ZDHHC21: variants seen among roughly 807,000 people sequenced by gnomAD.
ZDHHC21 encodes the protein zDHHC palmitoyltransferase 21, also known as palmitoyltransferase ZDHHC21.
A neutral mutation model predicts 34.6 loss-of-function variants in ZDHHC21; 15 were observed. The observed-to-expected ratio is 0.43, with a 90% CI of 0.29 to 0.67. The LOEUF is 0.67. Among genes scored for constraint, ZDHHC21 ranks in the 30% least tolerant of loss-of-function variants. The pLI is 0.14. For synonymous variants in ZDHHC21, 142 were observed against 101.8 expected (o/e 1.40, Z -2.38); for missense variants, 344 against 327.7 (o/e 1.05, Z -0.38).
intron 8 of ZDHHC21, among the ~76,000 whole-genome samples, chr9:14,626,019 G>A (rs1826145053): frequency 6.6e-6 from 1 of 151,948 alleles, no homozygotes; most frequent in Admixed American, 6.6e-5. Flanking sequence ...ATACAATAAT[G>A]TTTTGTAGAA....
the ZDHHC21 span, among the ~76,000 whole-genome samples, chr9:14,602,277 A>T: frequency 6.6e-6 from 1 of 152,094 alleles, no homozygotes; most frequent in Admixed American, 6.6e-5. Flanking sequence ...ACTTGAAGAC[A>T]GGTCATTTGA....
intron 8 of ZDHHC21, among the ~76,000 whole-genome samples, chr9:14,632,855 AGG>A (rs1827597711): frequency 6.6e-6 from 1 of 152,180 alleles, no homozygotes; most frequent in Non-Finnish European, 1.5e-5. Context: ...TTAGATCACC[AGG>A]GAAATGCAAA....
At chr9:14,688,435 T>C (rs1197326471) in intron 2 of ZDHHC21, among the ~76,000 whole-genome samples, 3 of 150,880 alleles carry the variant, frequency 2.0e-5, no homozygotes, top group East Asian at 3.9e-4. Flanking sequence ...TGAAACAGTT[T>C]AACAATACCC....
intron 8 of ZDHHC21, among the ~76,000 whole-genome samples, chr9:14,628,153 T>A (rs1366120536): frequency 6.6e-6 from 1 of 152,204 alleles, no homozygotes; most frequent in Non-Finnish European, 1.5e-5. Context: ...GATTAGTCTA[T>A]TTAACAGAAA....
chr9:14,692,373 A>G (rs1312511103), intron 1 of ZDHHC21, among the ~76,000 whole-genome samples: 1 of 152,208 alleles, frequency 6.6e-6, no homozygotes, highest in Non-Finnish European at 1.5e-5. Context: ...TTTAAATTGC[A>G]CTTAATTATC....
At chr9:14,692,126 G>C (rs554172832) in intron 1 of ZDHHC21, among the ~76,000 whole-genome samples, 3 of 152,214 alleles carry the variant, frequency 2.0e-5, no homozygotes, top group African/African-American at 4.8e-5. Context: ...TTAAGAGATG[G>C]CACAAACTAA....
intron 8 of ZDHHC21, among the ~76,000 whole-genome samples, chr9:14,627,081 T>C (rs1303155391): frequency 2.6e-5 from 4 of 152,118 alleles, no homozygotes; most frequent in Non-Finnish European, 4.4e-5. Context: ...AAGAGTGTAC[T>C]GAATGCTATT....
intron 8 of ZDHHC21, among the ~76,000 whole-genome samples, chr9:14,629,644 G>T: frequency 6.6e-6 from 1 of 152,114 alleles, no homozygotes; most frequent in Non-Finnish European, 1.5e-5. Flanking sequence ...AAATGCTAAT[G>T]ATCATTTGAA....
intron 5 of ZDHHC21, among the ~76,000 whole-genome samples, chr9:14,663,663 C>A (rs940791543): frequency 3.3e-5 from 5 of 151,912 alleles, no homozygotes; most frequent in African/African-American, 1.2e-4. Context: ...ACTCCCACTA[C>A]AGACATCTCT....
the ZDHHC21 span, chr9:14,588,953 T>C: frequency 2.0e-5 from 3 of 152,200 alleles, no homozygotes; most frequent in East Asian, 1.9e-4. Flanking sequence ...CCATGAGAAA[T>C]TGCTCTATAA....
chr9:14,669,257 C>A (rs1835029459), intron 5 of ZDHHC21, among the ~76,000 whole-genome samples: 1 of 145,084 alleles, frequency 6.9e-6, no homozygotes, highest in African/African-American at 2.5e-5. Context: ...AAAAAATGCT[C>A]ATCATCACTG....
At chr9:14,661,162 A>G (rs1833323501) in intron 6 of ZDHHC21, among the ~76,000 whole-genome samples, 1 of 152,188 alleles carries the variant, frequency 6.6e-6, no homozygotes, top group African/African-American at 2.4e-5. Context: ...TAGTAACAAA[A>G]TGCTTTTATC....
rs939565804 is a variant in ZDHHC21 at position 14,614,060 on chromosome 9, T to C, written c.*4906A>G. ...AACAACTCTTCCCATAAAAATGGTATAAATAAGAGATAAGGCTAAAATGAT... is the reference window on the plus strand; with the variant it reads ...AACAACTCTTCCCATAAAAATGGTACAAATAAGAGATAAGGCTAAAATGAT... On this transcript the variant is annotated 3_prime_UTR_variant, in exon 10 of 10. Transcript: ENST00000380916. 6.6e-6 allele frequency: 1 copy of C among 151,730 alleles called. No homozygotes were observed. Among genetic ancestry groups the C allele is most frequent in the Non-Finnish European group, 1.5e-5 (1 of 67,754 alleles). 9.4% of individuals were successfully genotyped at this position (151,730 alleles called of 1,614,324 possible). A position where few individuals can be genotyped will look rare whatever the true frequency, so the allele number is the denominator to read the frequency against.
At chr9:14,610,226 A>G (rs1823158042), downstream of ZDHHC21, among the ~76,000 whole-genome samples, 1 of 152,016 alleles carries the variant, frequency 6.6e-6, no homozygotes, top group Non-Finnish European at 1.5e-5. Context: ...TTATAAATGT[A>G]AAGGAGTCCT....
chr9:14,612,416 G>C lies in ZDHHC21; in HGVS notation c.*6550C>G, dbSNP rs931758622. The stretch of plus-strand genomic sequence containing the variant: ...CACTGAGTGTTTTGAGAATTTTAAA[G>C]GGAAAAATCTGGAACCCAAATAATA... On this transcript the variant is annotated 3_prime_UTR_variant, in exon 10 of 10. Transcript: ENST00000380916. 1 of 151,920 alleles carries C rather than the reference G, an allele frequency of 6.6e-6. No homozygotes were observed. The highest frequency in any genetic ancestry group is 1.9e-4 in the East Asian group (1 of 5,192). The allele number at this position is 151,920 out of a possible 1,614,324, so 9.4% of individuals were successfully genotyped here. A position where few individuals can be genotyped will look rare whatever the true frequency, so the allele number is the denominator to read the frequency against.
In ZDHHC21 at chr9:14,617,006, T is replaced by C. The variant is rs546441600; in HGVS notation, c.*1960A>G. The C allele has an allele frequency of 2.0e-5, 3 of 151,910 alleles. No homozygotes were observed. Among genetic ancestry groups the C allele is most frequent in the African/African-American group, 4.8e-5 (2 of 41,434 alleles). 9.4% of individuals were successfully genotyped at this position (151,910 alleles called of 1,614,324 possible). On this transcript the variant is annotated 3_prime_UTR_variant, in exon 10 of 10. Coordinates refer to ENST00000380916, the MANE Select transcript of ZDHHC21 (RefSeq NM_178566.6). ...AGTATAAATTAGCCACAAAGTTCTT[T>C]AGGTGATCTTCACTTGGCTCTGCTG...
intron 2 of ZDHHC21, among the ~76,000 whole-genome samples, chr9:14,681,654 T>G (rs147188869): frequency 3.3e-5 from 5 of 151,932 alleles, no homozygotes; most frequent in Non-Finnish European, 7.4e-5. Context: ...ACTAGGTAGG[T>G]TGACTGTTAA....
chr9:14,658,504 G>C (rs1177390910), intron 7 of ZDHHC21, among the ~76,000 whole-genome samples: 2 of 104,140 alleles, frequency 1.9e-5, no homozygotes, highest in African/African-American at 3.8e-5. Flanking sequence ...ACGGAGTCTC[G>C]CTGTCGCCCA....
the ZDHHC21 span, chr9:14,589,042 A>C: frequency 6.6e-6 from 1 of 152,164 alleles, no homozygotes; most frequent in Admixed American, 6.5e-5. Context: ...TACAAAAAAA[A>C]AAATTATGGC....
Sources: allele counts gnomAD v4.1 joint callset (sites outside exome capture counted in the v4.1 genomes callset), GRCh38; gene constraint gnomAD v4.1.1; transcripts MANE v1.5; gene names NCBI Gene and HGNC (gene_info 2026-07-23, HGNC 2026-07-21).